CDH11: variants seen among roughly 807,000 people sequenced by gnomAD.
CDH11 encodes the protein cadherin-11.
CDH11 carries 11 observed loss-of-function variants against 67.8 expected under a neutral mutation model. That is an observed-to-expected ratio of 0.16 (90% CI 0.10 to 0.27). The LOEUF (loss-of-function observed/expected upper bound fraction) is 0.27. CDH11 is among the 10% of genes least tolerant of loss of function. The pLI is 1.00. For missense variants in CDH11, 847 were observed against 1,031.2 expected, an observed-to-expected ratio of 0.82 and a Z score of 2.45; for synonymous variants, 419 against 400.0, an observed-to-expected ratio of 1.05 and a Z score of -0.57.
intron 1 of CDH11, among the ~76,000 whole-genome samples, chr16:65,120,827 C>G (rs1361006113): frequency 6.6e-6 from 1 of 152,166 alleles, no homozygotes; most frequent in South Asian, 2.1e-4. Flanking sequence ...AAGCCGGACC[C>G]GCAAGCCTCC....
chr16:65,091,712 C>T (rs575807246), intron 1 of CDH11, among the ~76,000 whole-genome samples: 16 of 151,908 alleles, frequency 1.1e-4, no homozygotes, highest in Non-Finnish European at 1.5e-4. Flanking sequence ...CCACCACGCC[C>T]GGCTAATTTT....
At chr16:65,076,345 AAAAAACAAAAAC>A (rs573189040) in intron 1 of CDH11, among the ~76,000 whole-genome samples, 9 of 152,004 alleles carry the variant, frequency 5.9e-5, no homozygotes, top group African/African-American at 1.9e-4. Flanking sequence ...CGACAAACCA[AAAAAACAAAAAC>A]AAAAACAAAA....
intron 2 of CDH11, among the ~76,000 whole-genome samples, chr16:65,053,207 G>A (rs2074086555): frequency 6.6e-6 from 1 of 152,180 alleles, no homozygotes; most frequent in African/African-American, 2.4e-5. Context: ...GAAGGTAAAT[G>A]GATTCGTAGA....
At chr16:64,948,531 T>C (rs1299545270) in intron 12 of CDH11, 3 of 1,200,550 alleles carry the variant, frequency 2.5e-6, no homozygotes, top group East Asian at 2.3e-5. Flanking sequence ...CCTACCATCT[T>C]ATAGGGGGTG....
intron 2 of CDH11, among the ~76,000 whole-genome samples, chr16:65,021,609 A>T (rs1768105078): frequency 6.7e-6 from 1 of 149,446 alleles, no homozygotes; most frequent in African/African-American, 2.4e-5. Context: ...ATGTTTAATT[A>T]AGCTAACTCT....
intron 6 of CDH11, among the ~76,000 whole-genome samples, chr16:64,990,398 G>C (rs184618209): frequency 1.4e-3 from 207 of 152,196 alleles, no homozygotes; most frequent in Non-Finnish European, 2.5e-3. Context: ...GCCACATTTA[G>C]TAGCCTTCCT....
chr16:65,116,891 G>T (rs775283986), intron 1 of CDH11, among the ~76,000 whole-genome samples: 2 of 151,842 alleles, frequency 1.3e-5, no homozygotes, highest in Non-Finnish European at 2.9e-5. Flanking sequence ...TTAATATCCC[G>T]ATGTACCAGA....
intron 2 of CDH11, among the ~76,000 whole-genome samples, chr16:65,014,805 T>C (rs2073263609): frequency 6.6e-6 from 1 of 152,112 alleles, no homozygotes; most frequent in Non-Finnish European, 1.5e-5. Context: ...GTGCTATTCC[T>C]GGCCTTAACA....
chr16:65,112,179 G>C (rs554671788), intron 1 of CDH11, among the ~76,000 whole-genome samples: 6 of 152,168 alleles, frequency 3.9e-5, no homozygotes, highest in African/African-American at 1.4e-4. Context: ...AGATAGTTTG[G>C]CTCAACTAAA....
At position 64,947,643 on chromosome 16, in the gene CDH11, T is replaced by G. The variant is rs766463452; in HGVS notation, c.2351A>C (p.Asp784Ala). The G allele has an allele frequency of 6.2e-7, 1 of 1,614,020 alleles. No homozygotes were observed. The highest frequency in any genetic ancestry group is 1.7e-5 in the Admixed American group (1 of 60,020). Residue 784 changes from aspartate (D) to alanine (A), a missense_variant, in exon 13 of 13, where the codon GAT becomes GCT. This residue lies in a region of CDH11 where 612 missense variants were observed against 678.7 expected (regional missense o/e 0.90). Coordinates refer to ENST00000268603, the MANE Select transcript of CDH11 (RefSeq NM_001797.4). ...NWGPRFKKLA[D>A]LYGSKDTFDD... ...AAAAGTGTCTTTGGAACCATACAAA[T>G]CTGCTAGTTTCTTAAAACGAGGTCC...
intron 2 of CDH11, among the ~76,000 whole-genome samples, chr16:65,033,380 T>C (rs894981538): frequency 3.3e-5 from 5 of 152,208 alleles, no homozygotes; most frequent in African/African-American, 1.2e-4. Flanking sequence ...TCTTTAGATT[T>C]ATTCAGAATG....
rs138042949 is a variant in CDH11, at chr16:65,009,911, C to T, written c.-172-4870G>A. On this transcript the variant is annotated intron_variant, in intron 2 of 12. Transcript: ENST00000268603. ...GAGCAGATAGCCCGTCAGAAGCCAC[C>T]GTGCCTTGAGCATAAAACTCTCTTG... Among the ~76,000 whole-genome samples the T allele has an allele frequency of 3.9e-3, 590 of 152,278 alleles. 6 individuals carry two copies. Among genetic ancestry groups the T allele is most frequent in the African/African-American group, 0.014 (562 of 41,560 alleles).
intron 11 of CDH11, among the ~76,000 whole-genome samples, chr16:64,963,331 T>G (rs770330060): frequency 6.6e-6 from 1 of 152,132 alleles, no homozygotes; most frequent in Non-Finnish European, 1.5e-5. Flanking sequence ...AAGGGCTCCT[T>G]AGTAGACTGG....
intron 1 of CDH11, among the ~76,000 whole-genome samples, chr16:65,069,226 G>A (rs147039489): frequency 6.6e-5 from 10 of 152,252 alleles, no homozygotes; most frequent in African/African-American, 2.4e-4. Flanking sequence ...GACTTATAAA[G>A]AAACATGGGA....
intron 1 of CDH11, among the ~76,000 whole-genome samples, chr16:65,054,252 T>C (rs1166508773): frequency 2.0e-5 from 3 of 152,184 alleles, no homozygotes; most frequent in Middle Eastern, 3.2e-3. Context: ...GAACAAGCTA[T>C]TGGGGGAAGG....
intron 8 of CDH11, among the ~76,000 whole-genome samples, chr16:64,980,667 A>G (rs928346727): frequency 6.6e-6 from 1 of 152,184 alleles, no homozygotes; most frequent in Non-Finnish European, 1.5e-5. Flanking sequence ...GAATGAGGTT[A>G]GATTATTTTG....
intron 2 of CDH11, among the ~76,000 whole-genome samples, chr16:65,045,254 T>C (rs1287114255): frequency 6.8e-6 from 1 of 146,446 alleles, no homozygotes; most frequent in African/African-American, 2.5e-5. Context: ...TGCTAGACAT[T>C]CATTTAAAGA....
chr16:65,111,672 GAA>G (rs935882002), intron 1 of CDH11, among the ~76,000 whole-genome samples: 3 of 80,674 alleles, frequency 3.7e-5, no homozygotes, highest in African/African-American at 5.1e-5. Context: ...AGGAAAGCTA[GAA>G]ACACACACAC....
intron 2 of CDH11, among the ~76,000 whole-genome samples, chr16:65,023,261 C>A (rs894275130): frequency 6.6e-6 from 1 of 152,152 alleles, no homozygotes; most frequent in Admixed American, 6.5e-5. Flanking sequence ...GACAGATGTG[C>A]CCAAATCAAA....
Sources: gnomAD v4.1 joint callset for allele counts (sites outside exome capture counted in the v4.1 genomes callset) on GRCh38, gnomAD v4.1.1 for gene constraint, gnomAD v4.1.1 regional missense constraint, MANE v1.5 for transcripts, NCBI Gene and HGNC (gene_info 2026-07-23, HGNC 2026-07-21) for gene names.